ARHGAP12: variants seen among roughly 807,000 people sequenced by gnomAD.
The protein encoded by ARHGAP12 is Rho GTPase activating protein 12.
Under a neutral mutation model 108.6 loss-of-function variants are expected in ARHGAP12, and 64 were observed. The ratio of observed to expected loss-of-function variants is 0.59; its 90% CI spans 0.48 to 0.73. The LOEUF (loss-of-function observed/expected upper bound fraction) is 0.73, where lower values mean the gene tolerates loss of function less well. ARHGAP12 is among the 30% of genes least tolerant of loss of function. The pLI is 0.00. For synonymous variants in ARHGAP12, 312 were observed against 337.2 expected (o/e 0.93, Z 0.82); for missense variants, 940 against 1,005.9 (o/e 0.93, Z 0.89).
At position 31,826,212 on chromosome 10, in the gene ARHGAP12, T is replaced by C. The variant is rs535611639; in HGVS notation, c.1530+92A>G. 4.1e-6 allele frequency: 4 copies of C among 972,562 alleles called. No homozygotes were observed. In the Admixed American group the frequency reaches 7.2e-5, roughly 17 times the overall value. 60.2% of individuals were successfully genotyped at this position (972,562 alleles called of 1,614,324 possible). A position where few individuals can be genotyped will look rare whatever the true frequency, so the allele number is the denominator to read the frequency against. On this transcript the variant is annotated intron_variant, in intron 11 of 19. Coordinates refer to ENST00000344936, the MANE Select transcript of ARHGAP12 (RefSeq NM_018287.7). ...TTTATTTGCACACTAGCTATAACTATAAGGACTCTGGAAATTACCTCCTGA... is the reference window on the plus strand; with the variant it reads ...TTTATTTGCACACTAGCTATAACTACAAGGACTCTGGAAATTACCTCCTGA...
intron 19 of ARHGAP12, among the ~76,000 whole-genome samples, chr10:31,808,133 G>C (rs1834886128): frequency 6.6e-6 from 1 of 152,002 alleles, no homozygotes; most frequent in African/African-American, 2.4e-5. Flanking sequence ...AGGTAACAGT[G>C]ACTGCTCCAT....
Position 31,861,441 on chromosome 10 carries a change from T to C in ARHGAP12, c.902A>G (p.Asp301Gly). Residue 301 changes from aspartate to glycine, a missense_variant, in exon 4 of 20, where the codon GAT becomes GGT. Physicochemically the swap from Asp to Gly is moderately conservative, Grantham distance 94 (BLOSUM62 -1). Transcript: ENST00000344936. ...GAAATCTCCTTTGCTGATGCTTGCA[T>C]CCCGAGTCCAACGAGGAGGTTTCCA... ...RTWKPPRWTR[D>G]ASISKGDFQN... is the part of the protein sequence containing the mutation. 1.9e-6 allele frequency: 3 copies of C among 1,614,202 alleles called. No individual in the cohort carries two copies. The highest frequency in any genetic ancestry group is 2.5e-6 in the Non-Finnish European group (3 of 1,180,018).
intron 3 of ARHGAP12, among the ~76,000 whole-genome samples, chr10:31,870,418 C>G (rs1274002351): frequency 6.6e-6 from 1 of 152,010 alleles, no homozygotes; most frequent in Non-Finnish European, 1.5e-5. Flanking sequence ...TTAGTAGAGA[C>G]TGGGTTTCTC....
In ARHGAP12 at chr10:31,808,908, AAAGT is replaced by A. The variant is rs1416515589; in HGVS notation, c.2263+82_2263+85del. ...AACAATCTGTTGAAAATACTTGCTT[AAAGT>A]AAGATAAAAAAAATTGGGTGGCTTA... is the stretch of plus-strand genomic sequence containing the variant. On this transcript the variant is annotated intron_variant, in intron 18 of 19. Coordinates refer to ENST00000344936, the MANE Select transcript of ARHGAP12 (RefSeq NM_018287.7). 4.3e-6 allele frequency: 6 copies of A among 1,408,020 alleles called. No homozygotes were observed. In the African/African-American group the frequency reaches 5.8e-5, roughly 14 times the overall value. 87.2% of individuals were successfully genotyped at this position (1,408,020 alleles called of 1,614,324 possible).
chr10:31,823,453 A>G (rs905908628), intron 11 of ARHGAP12, among the ~76,000 whole-genome samples: 15 of 151,594 alleles, frequency 9.9e-5, no homozygotes, highest in South Asian at 2.1e-4. Flanking sequence ...TCATTTACTC[A>G]ATTTTAACCA....
chr10:31,889,603 T>C (rs1011289732), intron 3 of ARHGAP12, among the ~76,000 whole-genome samples: 2 of 151,310 alleles, frequency 1.3e-5, no homozygotes, highest in Non-Finnish European at 2.9e-5. Flanking sequence ...TTGATTTTCT[T>C]TTCTTAATTT....
chr10:31,855,556 T>C (rs1303514150), intron 4 of ARHGAP12, among the ~76,000 whole-genome samples: 1 of 152,216 alleles, frequency 6.6e-6, no homozygotes, highest in Non-Finnish European at 1.5e-5. Flanking sequence ...TAAAGTGAAT[T>C]ATATATGTTT....
intron 3 of ARHGAP12, among the ~76,000 whole-genome samples, chr10:31,891,925 G>C (rs1395177931): frequency 1.3e-5 from 2 of 152,130 alleles, no homozygotes; most frequent in African/African-American, 4.8e-5. Context: ...ATGGTTTTCA[G>C]CTCTATCAGG....
At position 31,807,376 on chromosome 10, in the gene ARHGAP12, A is replaced by C; in HGVS notation, c.*282T>G. On this transcript the variant is annotated 3_prime_UTR_variant, in exon 20 of 20. Transcript: ENST00000344936. Reference sequence around the variant, plus strand: ...AATTATCCAGTGTATATGACTGGTTAGAATTTTAAGTTTTGATTTTTACTG... The same window carrying C: ...AATTATCCAGTGTATATGACTGGTTCGAATTTTAAGTTTTGATTTTTACTG... 1 of 289,916 alleles carries C rather than the reference A, an allele frequency of 3.4e-6. No individual in the cohort carries two copies. The highest frequency in any genetic ancestry group is 6.4e-6 in the Non-Finnish European group (1 of 156,638). 18.0% of individuals were successfully genotyped at this position (289,916 alleles called of 1,614,324 possible). A position where few individuals can be genotyped will look rare whatever the true frequency, so the allele number is the denominator to read the frequency against.
intron 3 of ARHGAP12, among the ~76,000 whole-genome samples, chr10:31,902,294 A>G (rs1838959208): frequency 6.6e-6 from 1 of 151,988 alleles, no homozygotes; most frequent in Admixed American, 6.6e-5. Flanking sequence ...CAGCCTTTTC[A>G]ACAAATGGTA....
At chr10:31,891,342 CTTAG>C (rs1367511973) in intron 3 of ARHGAP12, among the ~76,000 whole-genome samples, 1 of 152,170 alleles carries the variant, frequency 6.6e-6, no homozygotes, top group Non-Finnish European at 1.5e-5. Context: ...ACTTATGAAG[CTTAG>C]TTAGGCTGGA....
At chr10:31,880,357 C>G (rs1489217414) in intron 3 of ARHGAP12, among the ~76,000 whole-genome samples, 1 of 152,044 alleles carries the variant, frequency 6.6e-6, no homozygotes, top group Non-Finnish European at 1.5e-5. Context: ...GCCTGTAATC[C>G]CAACACTTTC....
intron 9 of ARHGAP12, among the ~76,000 whole-genome samples, chr10:31,832,873 G>A (rs190153253): frequency 5.3e-5 from 8 of 152,254 alleles, no homozygotes; most frequent in African/African-American, 1.9e-4. Flanking sequence ...AAACTGCTAT[G>A]TCAATTTACA....
At chr10:31,846,083 C>T (rs1044201939) in intron 6 of ARHGAP12, among the ~76,000 whole-genome samples, 2 of 152,112 alleles carry the variant, frequency 1.3e-5, no homozygotes, top group Non-Finnish European at 2.9e-5. Flanking sequence ...TTACAATATA[C>T]ATAATTTATC....
chr10:31,922,638 A>G (rs1202520571), intron 1 of ARHGAP12, among the ~76,000 whole-genome samples: 1 of 152,284 alleles, frequency 6.6e-6, no homozygotes, highest in East Asian at 1.9e-4. Flanking sequence ...GAATACTCCT[A>G]TATCTATTAA....
intron 3 of ARHGAP12, among the ~76,000 whole-genome samples, chr10:31,901,768 C>CTCTT (rs150582312): frequency 0.051 from 7,724 of 152,030 alleles, 645 homozygotes; most frequent in African/African-American, 0.17. Flanking sequence ...GAAGAATTCC[C>CTCTT]TCTTTCTTTC....
At chr10:31,839,986 CATG>C (rs1836199257) in intron 7 of ARHGAP12, among the ~76,000 whole-genome samples, 1 of 151,956 alleles carries the variant, frequency 6.6e-6, no homozygotes, top group Non-Finnish European at 1.5e-5. Flanking sequence ...GCCTTAAAAT[CATG>C]ATGTTATATC....
chr10:31,897,757 AT>A (rs1459371356), intron 3 of ARHGAP12, among the ~76,000 whole-genome samples: 1 of 152,202 alleles, frequency 6.6e-6, no homozygotes, highest in Admixed American at 6.5e-5. Flanking sequence ...AAAAAACAGT[AT>A]GAAGAAACAA....
chr10:31,905,619 T>C (rs147541929), intron 3 of ARHGAP12, among the ~76,000 whole-genome samples: 62 of 151,646 alleles, frequency 4.1e-4, no homozygotes, highest in African/African-American at 1.4e-3. Context: ...AGAGCTTTAC[T>C]AAGATGAGAA....
Sources: gnomAD v4.1 joint callset for allele counts (sites outside exome capture counted in the v4.1 genomes callset) on GRCh38, gnomAD v4.1.1 for gene constraint, MANE v1.5 for transcripts, NCBI Gene and HGNC (gene_info 2026-07-23, HGNC 2026-07-21) for gene names.